Variants in RNLS observed in about 807,000 individuals in gnomAD.
The protein encoded by RNLS is renalase, FAD dependent amine oxidase, also known as renalase.
A neutral mutation model predicts 39.8 loss-of-function variants in RNLS; 39 were observed. The observed-to-expected ratio is 0.98, with a 90% CI of 0.76 to 1.28. RNLS has a LOEUF of 1.28. RNLS is among the 50% of genes most tolerant of loss of function. The pLI, the probability that RNLS is intolerant of heterozygous loss-of-function variation, is 0.00. For synonymous variants in RNLS, 147 were observed against 150.7 expected (o/e 0.98, Z 0.18); for missense variants, 410 against 413.3 (o/e 0.99, Z 0.07).
intron 4 of RNLS, among the ~76,000 whole-genome samples, chr10:88,498,553 T>C (rs948508839): frequency 2.0e-5 from 3 of 148,748 alleles, no homozygotes; most frequent in African/African-American, 7.5e-5. Flanking sequence ...GCATACTAGA[T>C]AATAATATTG....
In RNLS at chr10:88,472,930, T is replaced by A. The variant is rs182580928; in HGVS notation, c.526+99973A>T. Among the ~76,000 whole-genome samples the A allele has an allele frequency of 3.0e-3, 450 of 152,336 alleles. 1 individual carries two copies. The highest frequency in any genetic ancestry group is 4.9e-3 in the Non-Finnish European group (331 of 68,024). ...TCTATGTTGGGAATTTAACTAGTCA[T>A]GCATAACTTAACCGTGAGGATATGT... On this transcript the variant is annotated intron_variant, in intron 4 of 6. Coordinates refer to ENST00000331772, the MANE Select transcript of RNLS (RefSeq NM_001031709.3).
intron 4 of RNLS, among the ~76,000 whole-genome samples, chr10:88,399,810 T>C (rs1564768368): frequency 6.6e-6 from 1 of 152,052 alleles, no homozygotes; most frequent in Admixed American, 6.6e-5. Flanking sequence ...TGCTACTTGG[T>C]GGCTTAAAAC....
chr10:88,555,246 A>G (rs1307608057), intron 4 of RNLS, among the ~76,000 whole-genome samples: 1 of 152,034 alleles, frequency 6.6e-6, no homozygotes, highest in Non-Finnish European at 1.5e-5. Flanking sequence ...GCCTTCTCCA[A>G]TCTGGCTTTC....
At chr10:88,187,215 T>C in the RNLS span, among the ~76,000 whole-genome samples, 1 of 130,506 alleles carries the variant, frequency 7.7e-6, no homozygotes, top group Non-Finnish European at 1.6e-5. Flanking sequence ...ATAATATATA[T>C]ATATAGGACT....
chr10:88,290,667 A>G (rs1048706413), intron 6 of RNLS, among the ~76,000 whole-genome samples: 2 of 152,236 alleles, frequency 1.3e-5, no homozygotes, highest in African/African-American at 4.8e-5. Flanking sequence ...AGAGAAATAC[A>G]TTGGTGAAGC....
At chr10:88,349,004 A>G (rs1473734832) in intron 5 of RNLS, among the ~76,000 whole-genome samples, 1 of 152,060 alleles carries the variant, frequency 6.6e-6, no homozygotes, top group Non-Finnish European at 1.5e-5. Flanking sequence ...AGAATTTCTC[A>G]TTTGAGCAGA....
At chr10:88,463,582 A>T (rs1325901) in intron 4 of RNLS, among the ~76,000 whole-genome samples, 28,217 of 151,934 alleles carry the variant, frequency 0.19, 3,060 homozygotes, top group Non-Finnish European at 0.26. Context: ...GATCATGGAA[A>T]TTTTAAACTA....
chr10:88,530,882 A>G (rs941046089), intron 4 of RNLS, among the ~76,000 whole-genome samples: 1 of 152,212 alleles, frequency 6.6e-6, no homozygotes, highest in African/African-American at 2.4e-5. Context: ...GAACAAATGA[A>G]TAGGTAAATC....
intron 5 of RNLS, among the ~76,000 whole-genome samples, chr10:88,357,920 C>A (rs1315650406): frequency 6.6e-6 from 1 of 152,174 alleles, no homozygotes; most frequent in Admixed American, 6.5e-5. Context: ...AGCTACCTAT[C>A]AATCACAAAC....
chr10:88,452,988 A>C (rs1842439807), intron 4 of RNLS, among the ~76,000 whole-genome samples: 1 of 152,196 alleles, frequency 6.6e-6, no homozygotes. Flanking sequence ...AAACAGGCAG[A>C]GGTGCTAGTT....
chr10:88,456,153 G>C (rs574529247), intron 4 of RNLS, among the ~76,000 whole-genome samples: 2 of 152,274 alleles, frequency 1.3e-5, no homozygotes, highest in Non-Finnish European at 2.9e-5. Context: ...TTATTTCCAT[G>C]CAATGTCTCC....
chr10:88,527,453 G>A (rs912164053), intron 4 of RNLS, among the ~76,000 whole-genome samples: 3 of 152,158 alleles, frequency 2.0e-5, no homozygotes, highest in African/African-American at 7.2e-5. Flanking sequence ...CCCTGGGGAG[G>A]GGCTTTGTTA....
intron 4 of RNLS, among the ~76,000 whole-genome samples, chr10:88,454,738 G>A (rs1054172942): frequency 1.3e-5 from 2 of 152,140 alleles, no homozygotes; most frequent in African/African-American, 2.4e-5. Flanking sequence ...TTTCCCCTGT[G>A]ACCAAAGAGG....
At chr10:88,226,982 C>T in the RNLS span, among the ~76,000 whole-genome samples, 1 of 152,004 alleles carries the variant, frequency 6.6e-6, no homozygotes, top group African/African-American at 2.4e-5. Flanking sequence ...AAGAATAGCC[C>T]ATGGGCAAAA....
Position 88,494,918 on chromosome 10 carries a change from G to A in RNLS, c.526+77985C>T, listed in dbSNP as rs1845081377. Among the ~76,000 whole-genome samples, 4 of 152,154 alleles carry A rather than the reference G, an allele frequency of 2.6e-5. No homozygotes were observed. The South Asian group carries it at 6.2e-4, about 24-fold the overall frequency. ...CTATATTCTTTACTCAGGAGAATAA[G>A]TAACAACATTCAACTACTGCCACTT... is the stretch of plus-strand genomic sequence containing the variant. On this transcript the variant is annotated intron_variant, in intron 4 of 6. Transcript: ENST00000331772.
chr10:88,579,687 T>A (rs778305824), intron 3 of RNLS, among the ~76,000 whole-genome samples: 1 of 152,174 alleles, frequency 6.6e-6, no homozygotes, highest in Admixed American at 6.5e-5. Context: ...TAAAGTGATA[T>A]GGCCACACTA....
intron 4 of RNLS, among the ~76,000 whole-genome samples, chr10:88,452,959 T>A (rs1842439035): frequency 6.6e-6 from 1 of 152,142 alleles, no homozygotes; most frequent in Non-Finnish European, 1.5e-5. Flanking sequence ...GTCCAGATCA[T>A]CCCATATGTA....
chr10:88,203,337 C>CACAT, the RNLS span, among the ~76,000 whole-genome samples: 30 of 9,642 alleles, frequency 3.1e-3, 8 homozygotes, highest in Non-Finnish European at 4.2e-3. Context: ...TATATATATA[C>CACAT]ACGTATGTGT....
At chr10:88,538,377 T>G (rs576897601) in intron 4 of RNLS, among the ~76,000 whole-genome samples, 1 of 152,260 alleles carries the variant, frequency 6.6e-6, no homozygotes, top group Admixed American at 6.6e-5. Flanking sequence ...ATTCTAAGAC[T>G]TCAAAAAATA....
Sources: allele counts gnomAD v4.1 joint callset (sites outside exome capture counted in the v4.1 genomes callset), GRCh38; gene constraint gnomAD v4.1.1; transcripts MANE v1.5; gene names NCBI Gene and HGNC (gene_info 2026-07-23, HGNC 2026-07-21).